Variants in RPP30 observed in about 807,000 individuals in gnomAD.
RPP30 encodes the protein ribonuclease P protein subunit p30.
RPP30 carries 36 observed loss-of-function variants against 38.6 expected under a neutral mutation model. That is an observed-to-expected ratio of 0.93 (90% CI 0.71 to 1.23). The LOEUF is 1.23. Among genes scored for constraint, RPP30 ranks in the 50% most tolerant of loss-of-function variants. The pLI is 0.00. For missense variants in RPP30, 321 were observed against 321.7 expected (o/e 1.00, Z 0.02); for synonymous variants, 126 against 112.7 (o/e 1.12, Z -0.75).
At chr10:90,872,365 C>G (rs1298909935) in intron 1 of RPP30, among the ~76,000 whole-genome samples, 1 of 152,220 alleles carries the variant, frequency 6.6e-6, no homozygotes, top group African/African-American at 2.4e-5. Context: ...CGGAGCTGGA[C>G]TCCAAGGGTA....
chr10:90,873,180 A>G (rs888686058), intron 1 of RPP30, among the ~76,000 whole-genome samples: 7 of 152,232 alleles, frequency 4.6e-5, no homozygotes, highest in Admixed American at 1.3e-4. Context: ...AGTACATGGC[A>G]GTTACTCAGT....
At chr10:90,904,520 G>A (rs1847232915), downstream of RPP30, among the ~76,000 whole-genome samples, 1 of 152,146 alleles carries the variant, frequency 6.6e-6, no homozygotes, top group Admixed American at 6.5e-5. Flanking sequence ...CATATAAAAT[G>A]TACCAACTAC....
rs777048907 is a variant in RPP30 at position 90,901,257 on chromosome 10, G to A, written c.*578G>A. On this transcript the variant is annotated 3_prime_UTR_variant, in exon 11 of 11. Transcript: ENST00000371703. Reference sequence around the variant, plus strand: ...CCGCTTTGGCCTCCTAAAGTGCTGGGATTACATGAGCCACCACATGCAGCC... The same window carrying A: ...CCGCTTTGGCCTCCTAAAGTGCTGGAATTACATGAGCCACCACATGCAGCC... 1.0e-6 allele frequency: 1 copy of A among 979,508 alleles called. No homozygotes were observed. The highest frequency in any genetic ancestry group is 1.8e-5 in the African/African-American group (1 of 56,842). The allele number at this position is 979,508 out of a possible 1,614,324, so 60.7% of individuals were successfully genotyped here. A position where few individuals can be genotyped will look rare whatever the true frequency, so the allele number is the denominator to read the frequency against.
chr10:90,883,555 G>A (rs1162107063), intron 5 of RPP30, among the ~76,000 whole-genome samples: 2 of 152,198 alleles, frequency 1.3e-5, no homozygotes, highest in African/African-American at 2.4e-5. Context: ...AGGTTGAAGT[G>A]TCAGAGGGAG....
At chr10:90,896,864 T>C (rs561078248) in intron 10 of RPP30, among the ~76,000 whole-genome samples, 29 of 152,338 alleles carry the variant, frequency 1.9e-4, no homozygotes, top group South Asian at 1.9e-3. Flanking sequence ...AGAATGTTTC[T>C]TTTCTCATGT....
In RPP30 at chr10:90,885,888, C is replaced by T. The variant is rs895501068; in HGVS notation, c.419C>T (p.Pro140Leu). Reference sequence around the variant, plus strand: ...AAACTACCATTTTACTTCAAAAGACCTCCTATTAATGTGGTAAGTGTACTT... The same window carrying T: ...AAACTACCATTTTACTTCAAAAGACTTCCTATTAATGTGGTAAGTGTACTT... Reference protein sequence around the residue: ...TEKLPFYFKRPPINVAIDRGL... With the variant: ...TEKLPFYFKRLPINVAIDRGL... Residue 140 changes from proline (P) to leucine (L), a missense_variant, in exon 6 of 11, where the codon CCT becomes CTT. Physicochemically the swap from Pro to Leu is moderately conservative, Grantham distance 98. Coordinates refer to ENST00000371703, the MANE Select transcript of RPP30 (RefSeq NM_006413.5). 5.0e-6 allele frequency: 8 copies of T among 1,596,428 alleles called. No homozygotes were observed. Among genetic ancestry groups the T allele is most frequent in the Admixed American group, 3.4e-5 (2 of 59,292 alleles).
At chr10:90,878,501 T>C (rs1241146384) in intron 4 of RPP30, among the ~76,000 whole-genome samples, 1 of 152,142 alleles carries the variant, frequency 6.6e-6, no homozygotes. Flanking sequence ...TTCTTCATTT[T>C]TTTTTTTTGA....
intron 7 of RPP30, 72 bp from the exon 8 acceptor site, chr10:90,895,382 G>A: frequency 1.2e-6 from 1 of 812,860 alleles, no homozygotes; most frequent in South Asian, 1.8e-5. Context: ...TATGATTACT[G>A]GCTATTTATA....
At chr10:90,891,373 T>C (rs930174678) in intron 6 of RPP30, among the ~76,000 whole-genome samples, 5 of 152,234 alleles carry the variant, frequency 3.3e-5, no homozygotes, top group Admixed American at 6.5e-5. Context: ...ACCAGTCATA[T>C]TGGATTAGGG....
chr10:90,884,748 A>G (rs1018544652), intron 5 of RPP30, among the ~76,000 whole-genome samples: 1 of 152,176 alleles, frequency 6.6e-6, no homozygotes, highest in Non-Finnish European at 1.5e-5. Context: ...TATTCCTGTC[A>G]TTGCCGAAGG....
chr10:90,906,977 C>T (rs1319136678), downstream of RPP30, among the ~76,000 whole-genome samples: 2 of 152,176 alleles, frequency 1.3e-5, no homozygotes, highest in Admixed American at 6.5e-5. Flanking sequence ...TTTATCTTTT[C>T]CATTAGCAGA....
intron 6 of RPP30, among the ~76,000 whole-genome samples, chr10:90,886,390 A>G (rs750452561): frequency 6.6e-6 from 1 of 152,220 alleles, no homozygotes; most frequent in South Asian, 2.1e-4. Context: ...TTACTTTTAT[A>G]TGAACCTAAT....
intron 9 of RPP30, 100 bp downstream of exon 9, chr10:90,896,017 C>A: frequency 1.1e-6 from 1 of 911,088 alleles, no homozygotes; most frequent in Non-Finnish European, 1.7e-6. Context: ...CAACCTTTTA[C>A]TGTAAGTTTA....
intron 5 of RPP30, among the ~76,000 whole-genome samples, chr10:90,883,546 G>A (rs1252041450): frequency 6.6e-6 from 1 of 151,776 alleles, no homozygotes; most frequent in African/African-American, 2.4e-5. Flanking sequence ...GGCATTCTAA[G>A]GTTGAAGTGT....
downstream of RPP30, among the ~76,000 whole-genome samples, chr10:90,904,952 A>C (rs1000079898): frequency 5.9e-5 from 9 of 152,236 alleles, no homozygotes; most frequent in African/African-American, 2.2e-4. Flanking sequence ...AAATCCAGGT[A>C]GATTAAAGAT....
chr10:90,896,060 C>G, intron 9 of RPP30, 143 bp downstream of exon 9: 2 of 690,490 alleles, frequency 2.9e-6, no homozygotes, highest in Non-Finnish European at 4.9e-6. Flanking sequence ...AATTATATAA[C>G]ATTATAGAGA....
intron 1 of RPP30, among the ~76,000 whole-genome samples, chr10:90,873,610 T>C (rs1287017446): frequency 6.6e-6 from 1 of 152,170 alleles, no homozygotes; most frequent in East Asian, 1.9e-4. Flanking sequence ...GGAAAAAGTT[T>C]TGTGGAGAAA....
chr10:90,897,782 A>AC (rs1847157736), intron 10 of RPP30, among the ~76,000 whole-genome samples: 1 of 151,276 alleles, frequency 6.6e-6, no homozygotes, highest in South Asian at 2.1e-4. Context: ...TATGTAAAGT[A>AC]TTTTTTTTTA....
At chr10:90,876,925 A>G (rs1190418645) in intron 4 of RPP30, among the ~76,000 whole-genome samples, 1 of 152,178 alleles carries the variant, frequency 6.6e-6, no homozygotes, top group Non-Finnish European at 1.5e-5. Context: ...CTGAGCAGCC[A>G]GGTAGGTAAT....
Sources: allele counts gnomAD v4.1 joint callset (sites outside exome capture counted in the v4.1 genomes callset), GRCh38; gene constraint gnomAD v4.1.1; transcripts MANE v1.5; gene names NCBI Gene and HGNC (gene_info 2026-07-23, HGNC 2026-07-21).